The following CNGB3 variants were observed in gnomAD, a reference collection of about 807,000 sequenced individuals.
CNGB3 encodes cyclic nucleotide gated channel subunit beta 3.
CNGB3 carries 86 observed loss-of-function variants against 92.8 expected under a neutral mutation model. The observed-to-expected ratio is 0.93, with a 90% confidence interval of 0.78 to 1.11. The LOEUF is 1.11. CNGB3 is among the 50% of genes least tolerant of loss of function. The probability of loss-of-function intolerance (pLI) is 0.00; values close to 1 mark genes in which losing one functional copy is unlikely to be tolerated. For synonymous variants in CNGB3, 333 were observed against 332.7 expected, an observed-to-expected ratio of 1.00 and a Z score of -0.01; for missense variants, 1,026 against 956.8, an observed-to-expected ratio of 1.07 and a Z score of -0.95.
chr8:86,683,040 C>A (rs1422328309), intron 3 of CNGB3, among the ~76,000 whole-genome samples: 2 of 152,118 alleles, frequency 1.3e-5, no homozygotes, highest in African/African-American at 4.8e-5. Context: ...TTAAGAGTGA[C>A]TGGGTAGTAA....
rs760149836 is a variant in CNGB3, at chr8:86,668,036, C to G, written c.626G>C (p.Ser209Thr). The G allele has an allele frequency of 4.3e-6, 7 of 1,614,062 alleles. No individual in the cohort carries two copies. The South Asian group carries it at 7.7e-5, about 18-fold the overall frequency. Residue 209 changes from serine (S) to threonine (T), a missense_variant, in exon 5 of 18, where the codon AGC becomes ACC. Coordinates refer to ENST00000320005, the MANE Select transcript of CNGB3 (RefSeq NM_019098.5). The stretch of plus-strand genomic sequence containing the variant: ...GATAATACCTGTGTATGAATCTATG[C>G]TGTTTGGAAGTTTAATTCGCTTTAA... ...EYLKRIKLPN[S>T]IDSYTDRLYL...
At chr8:86,703,863 G>A (rs1824601775) in intron 3 of CNGB3, 1 of 151,936 alleles carries the variant, frequency 6.6e-6, no homozygotes, top group Admixed American at 6.6e-5. Flanking sequence ...TTTATTTTGT[G>A]ATATTTTTCA....
At chr8:86,613,980 T>C (rs1822568769) in intron 13 of CNGB3, among the ~76,000 whole-genome samples, 1 of 148,644 alleles carries the variant, frequency 6.7e-6, no homozygotes, top group African/African-American at 2.4e-5. Context: ...TATAATTATA[T>C]ACATATAAAA....
chr8:86,672,854 C>T (rs1296702643), intron 3 of CNGB3, among the ~76,000 whole-genome samples: 1 of 152,188 alleles, frequency 6.6e-6, no homozygotes, highest in Non-Finnish European at 1.5e-5. Flanking sequence ...GAATCAAGAT[C>T]TCCAAGTATG....
At position 86,614,212 on chromosome 8, in the gene CNGB3, A is replaced by G. The variant is rs193032216; in HGVS notation, c.1579-2541T>C. On this transcript the variant is annotated intron_variant, in intron 13 of 17. Coordinates refer to ENST00000320005, the MANE Select transcript of CNGB3 (RefSeq NM_019098.5). The stretch of plus-strand genomic sequence containing the variant: ...TGGTTGATCCAGATACCTGCTTTAT[A>G]CCACTGCCTCCTGGTGACCACCGCT... 5.2e-4 allele frequency among the ~76,000 whole-genome samples: 79 copies of G among 152,088 alleles called. 1 individual carries two copies. Among genetic ancestry groups the G allele is most frequent in the African/African-American group, 1.9e-3 (79 of 41,488 alleles).
intron 15 of CNGB3, among the ~76,000 whole-genome samples, chr8:86,599,626 C>CGGCTGTCTTTTACGGTCGT (rs1437617907): frequency 1.3e-5 from 2 of 152,062 alleles, no homozygotes; most frequent in African/African-American, 4.8e-5. Context: ...ACCTTGGGGG[C>CGGCTGTCTTTTACGGTCGT]GGCTGTCTTT....
chr8:86,673,522 A>G (rs970195870), intron 3 of CNGB3, among the ~76,000 whole-genome samples: 1 of 152,150 alleles, frequency 6.6e-6, no homozygotes, highest in Non-Finnish European at 1.5e-5. Flanking sequence ...CATGTGATCT[A>G]TTGAGGAGTT....
At chr8:86,587,971 C>A (rs1821933608) in intron 15 of CNGB3, among the ~76,000 whole-genome samples, 1 of 149,584 alleles carries the variant, frequency 6.7e-6, no homozygotes, top group Non-Finnish European at 1.5e-5. Context: ...TACCCATGAG[C>A]ATGGAATGTT....
At chr8:86,635,188 C>T (rs901987827) in intron 10 of CNGB3, among the ~76,000 whole-genome samples, 2 of 152,008 alleles carry the variant, frequency 1.3e-5, no homozygotes, top group African/African-American at 4.8e-5. Flanking sequence ...TTTAACTTTT[C>T]AAATTCCAAT....
In CNGB3 at chr8:86,673,787, A is replaced by AC. The variant is rs1484192158; in HGVS notation, c.339-2690_339-2689insG. On this transcript the variant is annotated intron_variant, in intron 3 of 17. Transcript: ENST00000320005. Reference sequence around the variant, plus strand: ...GATGTTTGTATGAAGTAGCGGCATGAAAAAATTTTTTGTGTGTGTATCTTC... The same window carrying AC: ...GATGTTTGTATGAAGTAGCGGCATGACAAAAATTTTTTGTGTGTGTATCTTC... Among the ~76,000 whole-genome samples the AC allele has an allele frequency of 1.2e-4, 4 of 33,712 alleles. No homozygotes were observed. In the East Asian group the frequency reaches 0.1, roughly 843 times the overall value. 22.1% of individuals were successfully genotyped at this position (33,712 alleles called of 152,430 possible).
chr8:86,578,145 G>C (rs570864478), intron 17 of CNGB3, among the ~76,000 whole-genome samples: 6 of 152,080 alleles, frequency 3.9e-5, no homozygotes, highest in Non-Finnish European at 8.8e-5. Context: ...TCCTGCCCTC[G>C]TGATCCGCCC....
intron 14 of CNGB3, among the ~76,000 whole-genome samples, chr8:86,605,344 G>A (rs1463454263): frequency 2.0e-5 from 3 of 152,022 alleles, no homozygotes; most frequent in Admixed American, 1.3e-4. Context: ...TGGCACTTAG[G>A]TCAAGAAAGG....
At chr8:86,634,054 A>T (rs1239507743) in intron 10 of CNGB3, among the ~76,000 whole-genome samples, 2 of 152,198 alleles carry the variant, frequency 1.3e-5, no homozygotes, top group Non-Finnish European at 2.9e-5. Context: ...TGAGGTCATT[A>T]CAGACCAGAT....
At chr8:86,579,346 CT>C (rs1243687758) in intron 15 of CNGB3, 94 bp from the exon 16 acceptor site, 15 of 1,410,674 alleles carry the variant, frequency 1.1e-5, no homozygotes, top group Admixed American at 3.4e-5. Flanking sequence ...AGTATTTATA[CT>C]GCTTCAGAAA....
rs1358848664 is a variant in CNGB3 at position 86,626,056 on chromosome 8, A to G, written c.1505T>C (p.Leu502Pro). The G allele has an allele frequency of 6.2e-7, 1 of 1,613,594 alleles. No individual in the cohort carries two copies. Among genetic ancestry groups the G allele is most frequent in the Admixed American group, 1.7e-5 (1 of 59,984 alleles). Reference sequence around the variant, plus strand: ...GAGGGCTAACTGGACCGTAGTTGGTAGGGTCTTAAGCAAATCAGACTCATC... The same window carrying G: ...GAGGGCTAACTGGACCGTAGTTGGTGGGGTCTTAAGCAAATCAGACTCATC... ...MLDESDLLKT[L>P]PTTVQLALAI... The change falls in exon 13 of 18, where the codon CTA becomes CCA. Residue 502 changes from leucine (L) to proline (P), a missense_variant. Physicochemically the swap from Leu to Pro is moderately conservative, Grantham distance 98 (BLOSUM62 -3). Transcript: ENST00000320005.
At chr8:86,647,163 C>T (rs967056943) in intron 8 of CNGB3, among the ~76,000 whole-genome samples, 36 of 150,892 alleles carry the variant, frequency 2.4e-4, no homozygotes, top group African/African-American at 8.0e-4. Flanking sequence ...CATATCAGTA[C>T]ATAAAAAGCT....
intron 10 of CNGB3, among the ~76,000 whole-genome samples, chr8:86,634,964 C>CTT (rs34047280): frequency 2.8e-4 from 40 of 144,336 alleles, no homozygotes; most frequent in East Asian, 1.0e-3. Flanking sequence ...ACATAGGACT[C>CTT]TTTTTTTTTT....
At position 86,574,866 on chromosome 8, in the gene CNGB3, G is replaced by A. The variant is rs184919402; in HGVS notation, c.*938C>T. 10 of 151,852 alleles carry A rather than the reference G, an allele frequency of 6.6e-5. No homozygotes were observed. The highest frequency in any genetic ancestry group is 1.3e-4 in the Admixed American group (2 of 15,262). The allele number at this position is 151,852 out of a possible 1,614,324, so 9.4% of individuals were successfully genotyped here. Reference sequence around the variant, plus strand: ...GTAAACAGCTATACATGTAGGTTCCGGAAATTGTGGGGATATGTCAATCTG... The same window carrying A: ...GTAAACAGCTATACATGTAGGTTCCAGAAATTGTGGGGATATGTCAATCTG... On this transcript the variant is annotated 3_prime_UTR_variant, in exon 18 of 18. Coordinates refer to ENST00000320005, the MANE Select transcript of CNGB3 (RefSeq NM_019098.5).
chr8:86,662,156 C>T (rs1007241780), intron 6 of CNGB3, among the ~76,000 whole-genome samples: 1 of 152,224 alleles, frequency 6.6e-6, no homozygotes, highest in African/African-American at 2.4e-5. Flanking sequence ...CACCGCAACC[C>T]GTATTCACTC....
Sources: gnomAD v4.1 joint callset for allele counts (sites outside exome capture counted in the v4.1 genomes callset) on GRCh38, gnomAD v4.1.1 for gene constraint, MANE v1.5 for transcripts, NCBI Gene and HGNC (gene_info 2026-07-23, HGNC 2026-07-21) for gene names.